METTL15: variants seen among roughly 807,000 people sequenced by gnomAD.
The protein encoded by METTL15 is methyltransferase 15, mitochondrial 12S rRNA N4-cytidine, also known as 12S rRNA N(4)-cytidine methyltransferase METTL15.
A neutral mutation model predicts 38.3 loss-of-function variants in METTL15; 34 were observed. The observed-to-expected ratio is 0.89, with a 90% CI of 0.68 to 1.18. The LOEUF (loss-of-function observed/expected upper bound fraction) is 1.18, where lower values mean the gene tolerates loss of function less well. Among genes scored for constraint, METTL15 ranks in the 50% most tolerant of loss-of-function variants. The probability of loss-of-function intolerance (pLI) is 0.00; values close to 1 mark genes in which losing one functional copy is unlikely to be tolerated. For missense variants in METTL15, 438 were observed against 498.4 expected (o/e 0.88, Z 1.15); for synonymous variants, 162 against 170.9 (o/e 0.95, Z 0.41).
intron 4 of METTL15, among the ~76,000 whole-genome samples, chr11:28,254,486 G>A (rs568550091): frequency 4.8e-4 from 73 of 152,028 alleles, no homozygotes; most frequent in Non-Finnish European, 1.0e-3. Context: ...TTTTTAACTT[G>A]ATATGATCTC....
rs138175268 is a variant in METTL15 at position 28,243,710 on chromosome 11, A to G, written c.407+32512A>G. ...TCATCAATTTTACTGATCGTTGAAA[A>G]CTCATCTTAACTATGCAAATCCTAA... On this transcript the variant is annotated intron_variant, in intron 4 of 6. Coordinates refer to ENST00000407364, the MANE Select transcript of METTL15 (RefSeq NM_001113528.2). Among the ~76,000 whole-genome samples the G allele has an allele frequency of 1.2e-3, 188 of 152,084 alleles. 1 individual carries two copies. The highest frequency in any genetic ancestry group is 4.3e-3 in the African/African-American group (180 of 41,504).
chr11:28,490,638 C>T (rs1474570903), intron 6 of METTL15, among the ~76,000 whole-genome samples: 2 of 151,928 alleles, frequency 1.3e-5, no homozygotes, highest in East Asian at 1.9e-4. Context: ...CAGTTAGGGT[C>T]GAGCACCACT....
At chr11:28,251,878 G>C (rs1339084787) in intron 4 of METTL15, among the ~76,000 whole-genome samples, 11 of 152,016 alleles carry the variant, frequency 7.2e-5, no homozygotes, top group Non-Finnish European at 2.9e-5. Context: ...ATCATGGTGA[G>C]ACACTTTGTA....
At chr11:28,302,420 G>A (rs1033967406) in intron 6 of METTL15, among the ~76,000 whole-genome samples, 2 of 152,178 alleles carry the variant, frequency 1.3e-5, no homozygotes, top group African/African-American at 4.8e-5. Context: ...CTTGTAGCTC[G>A]CATAATTCCC....
intron 4 of METTL15, among the ~76,000 whole-genome samples, chr11:28,276,951 A>G (rs1855867229): frequency 6.6e-6 from 1 of 152,200 alleles, no homozygotes; most frequent in Non-Finnish European, 1.5e-5. Flanking sequence ...AGCGGAAACT[A>G]TTAAAAAGGC....
intron 5 of METTL15, among the ~76,000 whole-genome samples, chr11:28,293,502 T>C (rs1856606909): frequency 1.3e-5 from 2 of 152,222 alleles, no homozygotes; most frequent in Admixed American, 1.3e-4. Context: ...TGCCTCCAGC[T>C]TTGTTCTTGT....
chr11:28,373,970 AGTT>A (rs1564910361), intron 5 of METTL15, among the ~76,000 whole-genome samples: 1 of 152,014 alleles, frequency 6.6e-6, no homozygotes, highest in Non-Finnish European at 1.5e-5. Context: ...AAGATCAGAT[AGTT>A]GTAGTTATGC....
At chr11:28,395,504 G>C (rs1452058103) in intron 5 of METTL15, among the ~76,000 whole-genome samples, 2 of 152,066 alleles carry the variant, frequency 1.3e-5, no homozygotes, top group African/African-American at 4.8e-5. Flanking sequence ...AGAAAATCTA[G>C]AAGAAATGGT....
chr11:28,391,224 C>T (rs1850503030), intron 5 of METTL15, among the ~76,000 whole-genome samples: 1 of 151,910 alleles, frequency 6.6e-6, no homozygotes. Flanking sequence ...CCTTTATTTC[C>T]TTCTCCTGCC....
At chr11:28,449,120 A>G (rs1345729937) in intron 6 of METTL15, among the ~76,000 whole-genome samples, 1 of 152,126 alleles carries the variant, frequency 6.6e-6, no homozygotes, top group Non-Finnish European at 1.5e-5. Flanking sequence ...TCATTGCGCT[A>G]TTTTAGCTCT....
chr11:28,424,018 A>G (rs559105091), intron 5 of METTL15, among the ~76,000 whole-genome samples: 119 of 152,162 alleles, frequency 7.8e-4, no homozygotes, highest in Non-Finnish European at 1.4e-3. Context: ...AAAAAACCCC[A>G]AAGAAACAAA....
At chr11:28,521,707 G>T (rs913515068) in intron 6 of METTL15, among the ~76,000 whole-genome samples, 2 of 152,080 alleles carry the variant, frequency 1.3e-5, no homozygotes, top group Admixed American at 1.3e-4. Flanking sequence ...AGAAAGCAGA[G>T]TAGGGTCAGG....
At chr11:28,492,795 T>C (rs1851507237) in intron 6 of METTL15, among the ~76,000 whole-genome samples, 1 of 152,158 alleles carries the variant, frequency 6.6e-6, no homozygotes, top group Admixed American at 6.6e-5. Context: ...TTAAGGTATG[T>C]GAGGCACCTA....
chr11:28,463,556 C>T (rs1016955717), intron 6 of METTL15, among the ~76,000 whole-genome samples: 1 of 152,016 alleles, frequency 6.6e-6, no homozygotes, highest in East Asian at 1.9e-4. Flanking sequence ...TACAAAGTTT[C>T]GAAGATTGAA....
At chr11:28,302,513 G>A (rs1856947328) in intron 6 of METTL15, among the ~76,000 whole-genome samples, 1 of 151,948 alleles carries the variant, frequency 6.6e-6, no homozygotes, top group Non-Finnish European at 1.5e-5. Context: ...ATAATGAATG[G>A]GTCTCATGAG....
chr11:28,308,355 T>A (rs1857151475), intron 6 of METTL15, among the ~76,000 whole-genome samples: 1 of 152,124 alleles, frequency 6.6e-6, no homozygotes, highest in Non-Finnish European at 1.5e-5. Context: ...TCCCATTCTC[T>A]CTACTCCTTT....
intron 4 of METTL15, among the ~76,000 whole-genome samples, chr11:28,263,603 T>C (rs1175965287): frequency 6.6e-6 from 1 of 152,094 alleles, no homozygotes; most frequent in Non-Finnish European, 1.5e-5. Flanking sequence ...AAAGATGTTT[T>C]TCGTCTTTCC....
chr11:28,507,995 T>C (rs368965485), intron 6 of METTL15, among the ~76,000 whole-genome samples: 2 of 152,212 alleles, frequency 1.3e-5, no homozygotes, highest in South Asian at 4.1e-4. Flanking sequence ...TTATAAAAGA[T>C]CTGAAATCCT....
chr11:28,194,307 T>A (rs936378688), intron 3 of METTL15, among the ~76,000 whole-genome samples: 4 of 151,748 alleles, frequency 2.6e-5, no homozygotes, highest in African/African-American at 9.7e-5. Flanking sequence ...CAAGCAATTC[T>A]CCTGCCACAG....
Sources: allele counts gnomAD v4.1 joint callset (sites outside exome capture counted in the v4.1 genomes callset), GRCh38; gene constraint gnomAD v4.1.1; transcripts MANE v1.5; gene names NCBI Gene and HGNC (gene_info 2026-07-23, HGNC 2026-07-21).